The following RPAP3 variants were observed in gnomAD, a reference collection of about 807,000 sequenced individuals.
RPAP3 encodes the protein RNA polymerase II associated protein 3.
Under a neutral mutation model 88.8 loss-of-function variants are expected in RPAP3, and 58 were observed. That is an observed-to-expected ratio of 0.65 (90% CI 0.53 to 0.81). The LOEUF (loss-of-function observed/expected upper bound fraction) is 0.81. RPAP3 is among the 40% of genes least tolerant of loss of function. The pLI is 0.00. For synonymous variants in RPAP3, 255 were observed against 259.9 expected (o/e 0.98, Z 0.18); for missense variants, 751 against 764.3 (o/e 0.98, Z 0.20).
intron 3 of RPAP3, among the ~76,000 whole-genome samples, chr12:47,700,546 C>T (rs1385826164): frequency 1.3e-5 from 2 of 152,152 alleles, no homozygotes; most frequent in Admixed American, 1.3e-4. Context: ...AACATACATA[C>T]CCCTAACCAC....
intron 15 of RPAP3, 24 bp downstream of exon 15, chr12:47,667,730 A>G (rs1938910629): frequency 2.2e-6 from 3 of 1,388,476 alleles, no homozygotes; most frequent in Admixed American, 1.9e-5. Flanking sequence ...GACTTACTGT[A>G]TAACTAAAAA....
At chr12:47,665,608 C>T (rs1207792427) in intron 16 of RPAP3, among the ~76,000 whole-genome samples, 1 of 149,606 alleles carries the variant, frequency 6.7e-6, no homozygotes, top group African/African-American at 2.4e-5. Context: ...TTAAAATATA[C>T]ATATATATAT....
chr12:47,697,360 T>C (rs553836225), intron 4 of RPAP3, among the ~76,000 whole-genome samples: 78 of 152,316 alleles, frequency 5.1e-4, no homozygotes, highest in South Asian at 1.7e-3. Context: ...ATTTTGCAGA[T>C]GAGAAAACTG....
chr12:47,689,725 C>T (rs554457475), intron 6 of RPAP3, among the ~76,000 whole-genome samples: 1 of 152,226 alleles, frequency 6.6e-6, no homozygotes, highest in South Asian at 2.1e-4. Context: ...AGGATACCTG[C>T]TATCATAAGT....
chr12:47,687,683 T>A (rs1020283543), intron 8 of RPAP3, among the ~76,000 whole-genome samples, 193 bp downstream of exon 8: 3 of 152,188 alleles, frequency 2.0e-5, no homozygotes, highest in African/African-American at 7.2e-5. Context: ...GTTATTTTTT[T>A]AATTTATATA....
At chr12:47,691,181 A>G (rs1209279787) in intron 5 of RPAP3, among the ~76,000 whole-genome samples, 2 of 152,216 alleles carry the variant, frequency 1.3e-5, no homozygotes, top group African/African-American at 2.4e-5. Context: ...AAACTCTGCC[A>G]CTTTATCAAC....
At chr12:47,695,236 C>T (rs1377953674) in intron 5 of RPAP3, among the ~76,000 whole-genome samples, 1 of 151,946 alleles carries the variant, frequency 6.6e-6, no homozygotes, top group Non-Finnish European at 1.5e-5. Context: ...TCCTATATAA[C>T]AGTTACAATG....
chr12:47,693,819 A>G (rs757788912), intron 5 of RPAP3, among the ~76,000 whole-genome samples: 5 of 152,256 alleles, frequency 3.3e-5, no homozygotes, highest in Non-Finnish European at 5.9e-5. Context: ...TGGAAGTATT[A>G]CAAGTTTAGT....
intron 6 of RPAP3, 99 bp downstream of exon 6, chr12:47,690,419 G>T: frequency 2.1e-6 from 2 of 963,370 alleles, no homozygotes; most frequent in Non-Finnish European, 2.9e-6. Flanking sequence ...AATACAGAAA[G>T]CTCTCTGAAG....
chr12:47,692,684 TTTTAA>T (rs1939450905), intron 5 of RPAP3, among the ~76,000 whole-genome samples: 1 of 152,222 alleles, frequency 6.6e-6, no homozygotes, highest in Non-Finnish European at 1.5e-5. Flanking sequence ...GGAGTAGCCC[TTTTAA>T]TTTCCTCAAG....
Position 47,668,934 on chromosome 12 carries a change from C to T in RPAP3, c.1695G>A (p.Met565Ile). ...DFRQLKSSPD[M>I]LYQYLKQIEP... ...CTCTTACCTTTAAATACTGATACAACATATCTGGAGAACTTTTCAATTGTC... is the reference window on the plus strand; with the variant it reads ...CTCTTACCTTTAAATACTGATACAATATATCTGGAGAACTTTTCAATTGTC... Residue 565 changes from methionine (M) to isoleucine (I), a missense_variant, in exon 14 of 17, where the codon ATG (methionine) becomes ATA (isoleucine). By Grantham distance (10) the Met-to-Ile change is conservative (BLOSUM62 1). Coordinates refer to ENST00000005386, the MANE Select transcript of RPAP3 (RefSeq NM_024604.3). The T allele has an allele frequency of 1.2e-6, 2 of 1,613,596 alleles. No homozygotes were observed. The highest frequency in any genetic ancestry group is 2.2e-5 in the South Asian group (2 of 91,062).
At chr12:47,697,180 T>C (rs1939550120) in intron 4 of RPAP3, among the ~76,000 whole-genome samples, 2 of 152,226 alleles carry the variant, frequency 1.3e-5, no homozygotes, top group Admixed American at 1.3e-4. Flanking sequence ...AAGATAGCCT[T>C]TGATACCCGG....
chr12:47,663,584 C>T lies in RPAP3; in HGVS notation c.1919G>A (p.Arg640His), dbSNP rs201603359. 1.6e-5 allele frequency: 24 copies of T among 1,531,678 alleles called. 1 individual carries two copies. The highest frequency in any genetic ancestry group is 8.6e-5 in the Admixed American group (4 of 46,754). The allele number at this position is 1,531,678 out of a possible 1,614,324, so 94.9% of individuals were successfully genotyped here. A position where few individuals can be genotyped will look rare whatever the true frequency, so the allele number is the denominator to read the frequency against. Reference sequence around the variant, plus strand: ...CTTGTCTATGTGATTAAATAATGCACGTGCAACTGAAAAAGAAAAAGAAAT... The same window carrying T: ...CTTGTCTATGTGATTAAATAATGCATGTGCAACTGAAAAAGAAAAAGAAAT... ...FMSETEKKIA[R>H]ALFNHIDKSG... Residue 640 changes from arginine to histidine, a missense_variant, in exon 17 of 17, where the codon CGT becomes CAT. Physicochemically the swap from Arg to His is conservative, Grantham distance 29 (BLOSUM62 0). Coordinates refer to ENST00000005386, the MANE Select transcript of RPAP3 (RefSeq NM_024604.3).
chr12:47,683,719 A>G (rs1244859963), intron 9 of RPAP3, among the ~76,000 whole-genome samples: 1 of 152,184 alleles, frequency 6.6e-6, no homozygotes, highest in Non-Finnish European at 1.5e-5. Context: ...AAGACAAACT[A>G]ATCAAAAATA....
chr12:47,673,182 C>A (rs1939035331), intron 12 of RPAP3, among the ~76,000 whole-genome samples: 2 of 152,034 alleles, frequency 1.3e-5, no homozygotes, highest in South Asian at 4.2e-4. Flanking sequence ...GTGGCTCATG[C>A]CTGTAATCCT....
Position 47,701,481 on chromosome 12 carries a change from A to G in RPAP3, c.277T>C (p.Trp93Arg), listed in dbSNP as rs1362399482. ...NRIKSYDYEA[W>R]AKLDVDRILD... ...TAACTTACCACATCAAGTTTTGCCCATGCCTCATAATCATAAGATTTTATC... is the reference window on the plus strand; with the variant it reads ...TAACTTACCACATCAAGTTTTGCCCGTGCCTCATAATCATAAGATTTTATC... Residue 93 changes from tryptophan (W) to arginine (R), a missense_variant, in exon 3 of 17, where the codon TGG (tryptophan) becomes CGG (arginine). Transcript: ENST00000005386. The G allele has an allele frequency of 6.3e-7, 1 of 1,577,172 alleles. No individual in the cohort carries two copies. Among genetic ancestry groups the G allele is most frequent in the Admixed American group, 1.9e-5 (1 of 53,408 alleles).
At chr12:47,688,953 T>C (rs1939376316) in intron 7 of RPAP3, among the ~76,000 whole-genome samples, 172 bp downstream of exon 7, 1 of 152,226 alleles carries the variant, frequency 6.6e-6, no homozygotes, top group South Asian at 2.1e-4. Context: ...GGTCTTTAAA[T>C]ACCATTACAC....
chr12:47,692,206 T>G (rs1420094273), intron 5 of RPAP3, among the ~76,000 whole-genome samples: 1 of 152,224 alleles, frequency 6.6e-6, no homozygotes, highest in Non-Finnish European at 1.5e-5. Context: ...CCAGCTGCAT[T>G]AGCCCCTAAC....
intron 10 of RPAP3, among the ~76,000 whole-genome samples, chr12:47,680,272 G>C (rs970208074): frequency 3.3e-5 from 5 of 152,160 alleles, no homozygotes; most frequent in African/African-American, 1.2e-4. Context: ...ACAGAAAGTA[G>C]AATGGAGGTT....
Sources: allele counts gnomAD v4.1 joint callset (sites outside exome capture counted in the v4.1 genomes callset), GRCh38; gene constraint gnomAD v4.1.1; transcripts MANE v1.5; gene names NCBI Gene and HGNC (gene_info 2026-07-23, HGNC 2026-07-21).